Variants in PIK3R3 observed in about 807,000 individuals in gnomAD.
PIK3R3 encodes phosphoinositide-3-kinase regulatory subunit 3.
PIK3R3 carries 64 observed loss-of-function variants against 62.9 expected under a neutral mutation model. That is an observed-to-expected ratio of 1.02 (90% CI 0.83 to 1.25). The LOEUF (loss-of-function observed/expected upper bound fraction) is 1.25. Among genes scored for constraint, PIK3R3 ranks in the 50% most tolerant of loss-of-function variants. The pLI is 0.00. For synonymous variants in PIK3R3, 165 were observed against 189.0 expected, an observed-to-expected ratio of 0.87 and a Z score of 1.04; for missense variants, 614 against 561.6, an observed-to-expected ratio of 1.09 and a Z score of -0.94.
intron 1 of PIK3R3, among the ~76,000 whole-genome samples, chr1:46,127,645 TCCCGA>T (rs914186637): frequency 3.3e-5 from 5 of 152,110 alleles, no homozygotes; most frequent in African/African-American, 1.2e-4. Flanking sequence ...TAATCCCAAT[TCCCGA>T]AGTCATAGCA....
At chr1:46,150,053 C>A in the PIK3R3 span, among the ~76,000 whole-genome samples, 1 of 152,172 alleles carries the variant, frequency 6.6e-6, no homozygotes, top group Admixed American at 6.5e-5. Context: ...TGCCATTAAT[C>A]AGTAGCTGTT....
In PIK3R3 at chr1:46,132,403, A is replaced by G; in HGVS notation, c.-451T>C. The G allele has an allele frequency of 1.8e-6, 2 of 1,120,036 alleles. No homozygotes were observed. Among genetic ancestry groups the G allele is most frequent in the Non-Finnish European group, 2.2e-6 (2 of 907,158 alleles). 69.4% of individuals were successfully genotyped at this position (1,120,036 alleles called of 1,614,324 possible). ...GGCAAGTGACAAAGGAAGGCAAAAAAGGGGGCTGGAGATTGCGTTCAAGTT... is the reference window on the plus strand; with the variant it reads ...GGCAAGTGACAAAGGAAGGCAAAAAGGGGGGCTGGAGATTGCGTTCAAGTT... On this transcript the variant is annotated 5_prime_UTR_variant, in exon 1 of 10. Transcript: ENST00000262741.
intron 1 of PIK3R3, among the ~76,000 whole-genome samples, chr1:46,128,662 T>A (rs1655299894): frequency 6.6e-6 from 1 of 152,178 alleles, no homozygotes; most frequent in African/African-American, 2.4e-5. Flanking sequence ...TGTCTACTAC[T>A]TGCAAGACCC....
chr1:46,090,766 G>A (rs140206206), intron 1 of PIK3R3, among the ~76,000 whole-genome samples: 70 of 152,246 alleles, frequency 4.6e-4, no homozygotes, highest in African/African-American at 1.3e-3. Context: ...AACATCTATT[G>A]TATTTATATA....
intron 1 of PIK3R3, among the ~76,000 whole-genome samples, chr1:46,090,151 T>TA (rs949094725): frequency 6.6e-6 from 1 of 152,128 alleles, no homozygotes; most frequent in African/African-American, 2.4e-5. Flanking sequence ...AAAAGAAACC[T>TA]AGAGTTTATT....
chr1:46,098,228 T>A (rs1417958098), intron 1 of PIK3R3, among the ~76,000 whole-genome samples: 3 of 152,236 alleles, frequency 2.0e-5, no homozygotes, highest in African/African-American at 7.2e-5. Context: ...TCACATCCAC[T>A]AGGATAGCTA....
At chr1:46,087,646 G>T (rs1440328197) in intron 1 of PIK3R3, among the ~76,000 whole-genome samples, 2 of 141,432 alleles carry the variant, frequency 1.4e-5, no homozygotes, top group Non-Finnish European at 3.0e-5. Context: ...TATTGCCAAG[G>T]GTGGTCTCGA....
intron 1 of PIK3R3, among the ~76,000 whole-genome samples, chr1:46,120,678 A>G (rs1389428543): frequency 6.6e-6 from 1 of 152,232 alleles, no homozygotes; most frequent in African/African-American, 2.4e-5. Context: ...ATAACACTGA[A>G]GAGAGTTATG....
chr1:46,156,225 T>G, the PIK3R3 span, among the ~76,000 whole-genome samples: 312 of 151,772 alleles, frequency 2.1e-3, 5 homozygotes, highest in African/African-American at 7.2e-3. Context: ...GCTGGCTGGG[T>G]TTTGATGCAA....
upstream of PIK3R3, chr1:46,132,801 C>T: frequency 8.0e-7 from 1 of 1,245,440 alleles, no homozygotes; most frequent in Non-Finnish European, 1.0e-6. Flanking sequence ...CTGTCAAGTG[C>T]CTGAGAACAT....
At chr1:46,173,325 G>A in the PIK3R3 span, among the ~76,000 whole-genome samples, 5 of 152,236 alleles carry the variant, frequency 3.3e-5, no homozygotes, top group African/African-American at 9.6e-5. Flanking sequence ...TGTGTAATCT[G>A]TGTAATGTGC....
intron 9 of PIK3R3, among the ~76,000 whole-genome samples, chr1:46,045,617 CTT>C (rs1031388121): frequency 7.5e-4 from 16 of 21,198 alleles, no homozygotes; most frequent in East Asian, 2.6e-3. Flanking sequence ...CAATTAAGTG[CTT>C]TTTTTTTTTT....
At chr1:46,128,007 T>A (rs900232055) in intron 1 of PIK3R3, among the ~76,000 whole-genome samples, 28 of 152,212 alleles carry the variant, frequency 1.8e-4, no homozygotes, top group African/African-American at 6.8e-4. Flanking sequence ...CATGCAGTTA[T>A]TAGGAACCTT....
At chr1:46,132,987 T>G (rs976094784), upstream of PIK3R3, 2 of 1,085,852 alleles carry the variant, frequency 1.8e-6, no homozygotes, top group Non-Finnish European at 1.1e-6. Flanking sequence ...GAGGAGGGAG[T>G]GGGGCGAGGG....
chr1:46,061,824 A>T, intron 6 of PIK3R3, 105 bp downstream of exon 6: 1 of 1,004,736 alleles, frequency 1.0e-6, no homozygotes, highest in Non-Finnish European at 1.6e-6. Flanking sequence ...TTCCAATAGT[A>T]GGGCTGTGCA....
intron 1 of PIK3R3, among the ~76,000 whole-genome samples, chr1:46,112,869 C>T (rs1031000762): frequency 5.3e-5 from 8 of 152,192 alleles, no homozygotes; most frequent in African/African-American, 1.9e-4. Flanking sequence ...CCATATAATC[C>T]AAATCTGTCC....
chr1:46,085,707 C>T (rs1224779725), intron 1 of PIK3R3, among the ~76,000 whole-genome samples: 1 of 152,200 alleles, frequency 6.6e-6, no homozygotes, highest in Non-Finnish European at 1.5e-5. Flanking sequence ...GATTAGGATA[C>T]ATTAGTTATC....
chr1:46,050,615 C>T (rs1647271179), intron 7 of PIK3R3, among the ~76,000 whole-genome samples: 2 of 152,086 alleles, frequency 1.3e-5, no homozygotes, highest in African/African-American at 4.8e-5. Flanking sequence ...TTTAAGAAAC[C>T]CCAATTATCA....
intron 1 of PIK3R3, among the ~76,000 whole-genome samples, chr1:46,118,324 C>A (rs1174855021): frequency 1.6e-4 from 2 of 12,456 alleles, no homozygotes; most frequent in Non-Finnish European, 3.4e-4. Flanking sequence ...CCACCATCAT[C>A]CCCTCAGCTT....
Sources: allele counts gnomAD v4.1 joint callset (sites outside exome capture counted in the v4.1 genomes callset), GRCh38; gene constraint gnomAD v4.1.1; transcripts MANE v1.5; gene names NCBI Gene and HGNC (gene_info 2026-07-23, HGNC 2026-07-21).